The following GSK3B variants were observed in gnomAD, a reference collection of about 807,000 sequenced individuals.
The protein encoded by GSK3B is glycogen synthase kinase 3 beta.
In GSK3B, 15 loss-of-function variants were observed where a neutral mutation model predicts 56.4. The ratio of observed to expected loss-of-function variants is 0.27; its 90% CI spans 0.18 to 0.41. GSK3B has a LOEUF of 0.41. GSK3B is among the 10% of genes least tolerant of loss of function. GSK3B has a pLI of 1.00. For missense variants in GSK3B, 300 were observed against 513.4 expected (o/e 0.58, Z 4.02); for synonymous variants, 181 against 188.9 (o/e 0.96, Z 0.34).
intron 1 of GSK3B, among the ~76,000 whole-genome samples, chr3:120,046,422 G>T (rs1428042576): frequency 6.6e-6 from 1 of 151,986 alleles, no homozygotes. Context: ...ATGGGTGGGG[G>T]TAAGGGATTA....
chr3:119,894,955 A>G (rs1559826542), intron 7 of GSK3B, among the ~76,000 whole-genome samples: 1 of 152,130 alleles, frequency 6.6e-6, no homozygotes, highest in East Asian at 1.9e-4. Flanking sequence ...GTTTTGAGGT[A>G]AACAGTGATA....
chr3:119,931,057 G>A (rs995561160), intron 3 of GSK3B, among the ~76,000 whole-genome samples: 5 of 152,180 alleles, frequency 3.3e-5, no homozygotes, highest in Non-Finnish European at 5.9e-5. Context: ...GAATAACCCC[G>A]AGGGGACAGT....
chr3:119,908,646 C>T (rs2056706176), intron 6 of GSK3B, among the ~76,000 whole-genome samples: 1 of 152,218 alleles, frequency 6.6e-6, no homozygotes, highest in Non-Finnish European at 1.5e-5. Flanking sequence ...CTGAGAATTA[C>T]ATACACATAC....
chr3:119,921,836 A>C (rs1274013043), intron 4 of GSK3B, among the ~76,000 whole-genome samples: 1 of 152,160 alleles, frequency 6.6e-6, no homozygotes, highest in East Asian at 1.9e-4. Flanking sequence ...ATTTAATTAC[A>C]TTTTAAAAAA....
intron 2 of GSK3B, among the ~76,000 whole-genome samples, chr3:119,954,847 G>T (rs932878590): frequency 6.6e-6 from 1 of 152,118 alleles, no homozygotes; most frequent in Non-Finnish European, 1.5e-5. Context: ...AAAAGTTCCA[G>T]AAGGCTATAT....
At chr3:119,928,604 CAAAAAAATAAAA>C (rs2056910876) in intron 3 of GSK3B, among the ~76,000 whole-genome samples, 36 of 28,640 alleles carry the variant, frequency 1.3e-3, no homozygotes, top group African/African-American at 1.3e-3. Flanking sequence ...GACTCCATAT[CAAAAAAATAAAA>C]AAAAAAAAAA....
At chr3:119,975,938 C>G (rs1344749372) in intron 2 of GSK3B, among the ~76,000 whole-genome samples, 1 of 152,006 alleles carries the variant, frequency 6.6e-6, no homozygotes, top group Non-Finnish European at 1.5e-5. Context: ...CATTTCTCCC[C>G]AAGAAGACAT....
At position 120,022,523 on chromosome 3, in the gene GSK3B, CT is replaced by C. The variant is rs1454391631; in HGVS notation, c.89-20285del. Among the ~76,000 whole-genome samples the C allele has an allele frequency of 7.2e-5, 11 of 152,262 alleles. No homozygotes were observed. The East Asian group carries it at 2.1e-3, about 29-fold the overall frequency. Reference sequence around the variant, plus strand: ...TTGTATTTGCCTTATCTTCCTCCCTCTAAAAACTTGCTTAACACCTCCCAAT... The same window carrying C: ...TTGTATTTGCCTTATCTTCCTCCCTCAAAAACTTGCTTAACACCTCCCAAT... On this transcript the variant is annotated intron_variant, in intron 1 of 10. Coordinates refer to ENST00000264235, the MANE Select transcript of GSK3B (RefSeq NM_001146156.2).
intron 1 of GSK3B, among the ~76,000 whole-genome samples, chr3:120,009,118 T>A (rs1186732966): frequency 6.6e-6 from 1 of 152,058 alleles, no homozygotes; most frequent in East Asian, 1.9e-4. Context: ...GAAATGCAAA[T>A]CAGAACCACA....
At chr3:119,985,678 T>A (rs1487421249) in intron 2 of GSK3B, among the ~76,000 whole-genome samples, 2 of 151,910 alleles carry the variant, frequency 1.3e-5, no homozygotes, top group African/African-American at 4.8e-5. Context: ...CTCAACGAAA[T>A]AAAAGAGGAC....
chr3:120,029,072 T>C (rs62264749), intron 1 of GSK3B: 148,217 of 748,752 alleles, frequency 0.2, 18,383 homozygotes, highest in East Asian at 0.45. Context: ...GGCTGTGCAT[T>C]TGGATCAGCT....
chr3:119,880,806 G>A (rs962962691), intron 7 of GSK3B, among the ~76,000 whole-genome samples: 14 of 152,178 alleles, frequency 9.2e-5, no homozygotes, highest in African/African-American at 3.4e-4. Context: ...CCTGGTGAGA[G>A]GGTGAGGAGT....
chr3:120,042,684 C>T (rs1442480103), intron 1 of GSK3B, among the ~76,000 whole-genome samples: 2 of 152,150 alleles, frequency 1.3e-5, no homozygotes, highest in African/African-American at 4.8e-5. Flanking sequence ...AAAATATTGA[C>T]TCAGACAATG....
chr3:120,025,701 AAG>A (rs1287265343), intron 1 of GSK3B, among the ~76,000 whole-genome samples: 2 of 152,214 alleles, frequency 1.3e-5, no homozygotes, highest in Admixed American at 1.3e-4. Context: ...AAGGATAAAA[AAG>A]AGTCTACCAG....
At chr3:120,051,207 G>C (rs79546368) in intron 1 of GSK3B, among the ~76,000 whole-genome samples, 15,603 of 151,120 alleles carry the variant, frequency 0.1, 916 homozygotes, top group African/African-American at 0.16. Flanking sequence ...AAACTGAATA[G>C]GCTGGTTTAC....
intron 10 of GSK3B, among the ~76,000 whole-genome samples, chr3:119,842,042 A>G (rs1359257627): frequency 2.6e-5 from 4 of 152,222 alleles, no homozygotes; most frequent in African/African-American, 9.6e-5. Flanking sequence ...GACTATTTAA[A>G]GAAAATGAAG....
At chr3:119,835,887 T>C (rs909826778) in intron 10 of GSK3B, among the ~76,000 whole-genome samples, 5 of 152,138 alleles carry the variant, frequency 3.3e-5, no homozygotes, top group Non-Finnish European at 7.4e-5. Flanking sequence ...GGGGAAAGGA[T>C]GAGGGAGGGT....
At chr3:120,026,103 A>G (rs777863738) in intron 1 of GSK3B, among the ~76,000 whole-genome samples, 1 of 152,146 alleles carries the variant, frequency 6.6e-6, no homozygotes, top group Non-Finnish European at 1.5e-5. Context: ...CATTCCTCCT[A>G]CCCCCAAATA....
At chr3:119,876,678 G>T (rs1456590749) in intron 7 of GSK3B, among the ~76,000 whole-genome samples, 170 bp from the exon 8 acceptor site, 2 of 152,194 alleles carry the variant, frequency 1.3e-5, no homozygotes, top group African/African-American at 4.8e-5. Context: ...AAGCTCATGT[G>T]TTGGAAACTT....
Sources: allele counts gnomAD v4.1 joint callset (sites outside exome capture counted in the v4.1 genomes callset), GRCh38; gene constraint gnomAD v4.1.1; transcripts MANE v1.5; gene names NCBI Gene and HGNC (gene_info 2026-07-23, HGNC 2026-07-21).